Variants in ZBTB20 observed in about 807,000 individuals in gnomAD.
ZBTB20 encodes the protein zinc finger and BTB domain-containing protein 20.
In ZBTB20, 9 loss-of-function variants were observed where a neutral mutation model predicts 56.9. The observed-to-expected ratio is 0.16, with a 90% CI of 0.10 to 0.28. The LOEUF (loss-of-function observed/expected upper bound fraction) is 0.28, where lower values mean the gene tolerates loss of function less well. Ranked by LOEUF, ZBTB20 falls within the 10% of genes least tolerant of loss-of-function variation. The pLI is 1.00. For missense variants in ZBTB20, 655 were observed against 1,003.0 expected (o/e 0.65, Z 4.69); for synonymous variants, 417 against 420.7 (o/e 0.99, Z 0.11).
intron 6 of ZBTB20, among the ~76,000 whole-genome samples, chr3:114,585,055 C>T (rs968928381): frequency 1.3e-5 from 2 of 152,038 alleles, no homozygotes; most frequent in African/African-American, 4.8e-5. Flanking sequence ...CTCTTACAGG[C>T]AAGGCTCCTG....
intron 1 of ZBTB20, among the ~76,000 whole-genome samples, chr3:115,084,471 C>A (rs1426510972): frequency 6.6e-6 from 1 of 151,214 alleles, no homozygotes; most frequent in African/African-American, 2.4e-5. Context: ...AATCTGTGAA[C>A]CAAAAATTAA....
In ZBTB20 at chr3:114,706,710, C is replaced by T. The variant is rs553620190; in HGVS notation, c.-342-13135G>A. 5.3e-5 allele frequency among the ~76,000 whole-genome samples: 8 copies of T among 152,110 alleles called. No homozygotes were observed. The East Asian group carries it at 1.5e-3, about 29-fold the overall frequency. ...CTGCAAGGTCACAGATACAAAAGGC[C>T]ACACTTTCCCCAAAGCTCTTTGAGA... On this transcript the variant is annotated intron_variant, in intron 5 of 11. Coordinates refer to ENST00000675478, the MANE Select transcript of ZBTB20 (RefSeq NM_001348800.3).
intron 6 of ZBTB20, among the ~76,000 whole-genome samples, chr3:114,652,894 CTTATAT>C (rs1029469890): frequency 4.0e-5 from 6 of 151,772 alleles, no homozygotes; most frequent in African/African-American, 1.4e-4. Flanking sequence ...ATTTAAATGT[CTTATAT>C]TTATAGGCTA....
intron 4 of ZBTB20, among the ~76,000 whole-genome samples, chr3:114,855,407 T>G (rs773980662): frequency 6.6e-6 from 1 of 152,202 alleles, no homozygotes; most frequent in African/African-American, 2.4e-5. Context: ...GATCTGCTGA[T>G]AGTCTGTTGA....
chr3:114,373,660 CA>C (rs1207185413), intron 10 of ZBTB20, among the ~76,000 whole-genome samples: 1 of 152,140 alleles, frequency 6.6e-6, no homozygotes, highest in Non-Finnish European at 1.5e-5. Flanking sequence ...CATACTGGAA[CA>C]CTTTAATTCT....
chr3:114,833,248 C>A (rs1010855527), intron 4 of ZBTB20, among the ~76,000 whole-genome samples: 2 of 152,092 alleles, frequency 1.3e-5, no homozygotes, highest in African/African-American at 4.8e-5. Context: ...GCTATACCAG[C>A]GTTGTTTTGG....
intron 2 of ZBTB20, among the ~76,000 whole-genome samples, chr3:115,064,835 A>G (rs1431256300): frequency 6.6e-6 from 1 of 152,156 alleles, no homozygotes; most frequent in Non-Finnish European, 1.5e-5. Flanking sequence ...TCTTGAGCCA[A>G]TGTATGAGGC....
At chr3:114,841,055 T>C (rs1250138864) in intron 4 of ZBTB20, among the ~76,000 whole-genome samples, 1 of 152,198 alleles carries the variant, frequency 6.6e-6, no homozygotes, top group African/African-American at 2.4e-5. Context: ...GCCTAGTAAA[T>C]GTCAGGCATT....
intron 2 of ZBTB20, among the ~76,000 whole-genome samples, chr3:114,999,517 C>G (rs2079163839): frequency 6.6e-6 from 1 of 151,330 alleles, no homozygotes; most frequent in Admixed American, 6.6e-5. Flanking sequence ...ACTGTTTTTC[C>G]CTCGAAAAGT....
intron 11 of ZBTB20, among the ~76,000 whole-genome samples, chr3:114,342,714 A>G (rs2079878657): frequency 6.6e-6 from 1 of 152,222 alleles, no homozygotes. Flanking sequence ...TTCATCACAA[A>G]GGAACCAAGG....
chr3:114,599,893 G>C (rs937152679), intron 6 of ZBTB20, among the ~76,000 whole-genome samples: 5 of 151,856 alleles, frequency 3.3e-5, no homozygotes, highest in African/African-American at 1.2e-4. Context: ...ACCATGTCCA[G>C]AGCTTTCTTA....
At chr3:114,489,052 C>T (rs183432919) in intron 7 of ZBTB20, among the ~76,000 whole-genome samples, 7 of 152,180 alleles carry the variant, frequency 4.6e-5, no homozygotes, top group Non-Finnish European at 1.0e-4. Flanking sequence ...TATAATATTT[C>T]CTAAGTTATT....
intron 6 of ZBTB20, among the ~76,000 whole-genome samples, chr3:114,568,669 T>C (rs2053075024): frequency 6.6e-6 from 1 of 152,204 alleles, no homozygotes; most frequent in South Asian, 2.1e-4. Context: ...CTCTCATGGA[T>C]GTTATCAATA....
chr3:114,713,370 C>T (rs998269637), intron 5 of ZBTB20, among the ~76,000 whole-genome samples: 1 of 152,024 alleles, frequency 6.6e-6, no homozygotes, highest in Non-Finnish European at 1.5e-5. Flanking sequence ...TTAAAATTTT[C>T]CTAGCTGAAA....
intron 6 of ZBTB20, among the ~76,000 whole-genome samples, chr3:114,573,487 CAGAA>C (rs900483047): frequency 1.5e-4 from 14 of 90,460 alleles, no homozygotes; most frequent in African/African-American, 5.9e-4. Context: ...GAAAGAAAGA[CAGAA>C]AGAAAGATGA....
chr3:114,468,118 C>G (rs1448418913), intron 7 of ZBTB20, among the ~76,000 whole-genome samples: 2 of 152,172 alleles, frequency 1.3e-5, no homozygotes, highest in Non-Finnish European at 2.9e-5. Flanking sequence ...TTTAGAAGAA[C>G]AAACTAACTC....
intron 6 of ZBTB20, among the ~76,000 whole-genome samples, chr3:114,662,160 T>A (rs2060772553): frequency 6.6e-6 from 1 of 150,936 alleles, no homozygotes; most frequent in South Asian, 2.1e-4. Context: ...CGGTGTTTGG[T>A]TTTTTGTTCT....
At chr3:115,102,111 G>A (rs1341497353) in intron 1 of ZBTB20, among the ~76,000 whole-genome samples, 1 of 152,074 alleles carries the variant, frequency 6.6e-6, no homozygotes, top group Admixed American at 6.5e-5. Flanking sequence ...AAGCTATCCT[G>A]GGAAAATTTC....
intron 5 of ZBTB20, among the ~76,000 whole-genome samples, chr3:114,787,368 T>TATATATACAC (rs1433434685): frequency 9.4e-5 from 10 of 106,300 alleles, no homozygotes; most frequent in African/African-American, 3.6e-4. Flanking sequence ...TATATATATA[T>TATATATACAC]ACACACACAC....
Sources: gnomAD v4.1 joint callset for allele counts (sites outside exome capture counted in the v4.1 genomes callset) on GRCh38, gnomAD v4.1.1 for gene constraint, MANE v1.5 for transcripts, NCBI Gene and HGNC (gene_info 2026-07-23, HGNC 2026-07-21) for gene names.